The following FUT8 variants were observed in gnomAD, a reference collection of about 807,000 sequenced individuals.
FUT8 encodes the protein alpha-(1,6)-fucosyltransferase.
In FUT8, 29 loss-of-function variants were observed where a neutral mutation model predicts 71.3. The ratio of observed to expected loss-of-function variants is 0.41; its 90% confidence interval spans 0.30 to 0.55. FUT8 has a LOEUF of 0.55. FUT8 is among the 20% of genes least tolerant of loss of function. FUT8 has a pLI of 0.34. For synonymous variants in FUT8, 254 were observed against 239.3 expected, an observed-to-expected ratio of 1.06 and a Z score of -0.57; for missense variants, 544 against 702.1, an observed-to-expected ratio of 0.77 and a Z score of 2.55.
At chr14:65,397,109 G>C in the FUT8 span, among the ~76,000 whole-genome samples, 1 of 152,214 alleles carries the variant, frequency 6.6e-6, no homozygotes, top group Non-Finnish European at 1.5e-5. This position sits in a 1 kb window ranked among gnomAD's most constrained non-coding sequence, Gnocchi z 4.2. Flanking sequence ...CTTATAGTGG[G>C]ATGATTGGAA....
At chr14:65,528,354 C>T (rs561176356) in intron 2 of FUT8, among the ~76,000 whole-genome samples, 141 of 152,334 alleles carry the variant, frequency 9.3e-4, no homozygotes, top group African/African-American at 3.2e-3. Flanking sequence ...GAGCCAGGCG[C>T]GGGATATAAT....
intron 2 of FUT8, among the ~76,000 whole-genome samples, chr14:65,546,103 G>A (rs1001560597): frequency 2.0e-5 from 3 of 151,560 alleles, no homozygotes; most frequent in African/African-American, 7.3e-5. Flanking sequence ...CAACCTTATT[G>A]GAACATAATT....
rs186512678 is a variant in FUT8 at position 65,589,691 on chromosome 14, G to T, written c.204-26287G>T. 3.3e-5 allele frequency among the ~76,000 whole-genome samples: 5 copies of T among 152,120 alleles called. No individual in the cohort carries two copies. The East Asian group carries it at 7.7e-4, about 24-fold the overall frequency. On this transcript the variant is annotated intron_variant, in intron 3 of 10. Transcript: ENST00000673929. ...GATCTCCTGACCTCGTGATCTGCCC[G>T]CCTCGGCCTCCCAAAGTGCTGGGAT...
chr14:65,524,280 G>T (rs1883291641), intron 2 of FUT8, among the ~76,000 whole-genome samples: 1 of 152,098 alleles, frequency 6.6e-6, no homozygotes, highest in South Asian at 2.1e-4. Context: ...TCTTGAAGAG[G>T]TCTTTCACAT....
chr14:65,642,192 G>C (rs918417333), intron 6 of FUT8, among the ~76,000 whole-genome samples: 5 of 152,116 alleles, frequency 3.3e-5, no homozygotes, highest in Non-Finnish European at 7.4e-5. Context: ...CCATTTTGAG[G>C]AATCACGTAA....
chr14:65,359,683 T>A, the FUT8 span, among the ~76,000 whole-genome samples: 1 of 152,258 alleles, frequency 6.6e-6, no homozygotes, highest in African/African-American at 2.4e-5. Context: ...TAAGGCTGAA[T>A]AATAATCCAT....
chr14:65,562,083 A>C (rs1349862506), intron 3 of FUT8, among the ~76,000 whole-genome samples: 1 of 151,988 alleles, frequency 6.6e-6, no homozygotes, highest in Non-Finnish European at 1.5e-5. Flanking sequence ...TGTACTTTAT[A>C]TGTGCCCCAA....
chr14:65,593,725 C>T (rs762364347), intron 3 of FUT8, among the ~76,000 whole-genome samples: 40 of 152,172 alleles, frequency 2.6e-4, no homozygotes, highest in Non-Finnish European at 4.3e-4. Context: ...TACAGGCATG[C>T]GCCTCCACAC....
intron 1 of FUT8, among the ~76,000 whole-genome samples, chr14:65,439,024 A>G (rs2065602568): frequency 6.6e-6 from 1 of 152,164 alleles, no homozygotes; most frequent in Non-Finnish European, 1.5e-5. Flanking sequence ...CTGCCCTCCA[A>G]TTTTAGTTGA....
chr14:65,552,887 C>T (rs573560856), intron 2 of FUT8, among the ~76,000 whole-genome samples: 5 of 152,158 alleles, frequency 3.3e-5, no homozygotes, highest in Admixed American at 6.5e-5. Context: ...CTACACCATT[C>T]GTAATGGTAA....
chr14:65,465,475 A>C (rs1471829365), intron 2 of FUT8, among the ~76,000 whole-genome samples: 25 of 152,064 alleles, frequency 1.6e-4, no homozygotes, highest in Admixed American at 1.6e-3. Flanking sequence ...CCCGGCCATA[A>C]ATTTTGGTGT....
intron 1 of FUT8, among the ~76,000 whole-genome samples, chr14:65,418,777 A>G (rs1490473601): frequency 6.6e-6 from 1 of 152,196 alleles, no homozygotes; most frequent in Non-Finnish European, 1.5e-5. Flanking sequence ...CCATCTTTAC[A>G]GTATACTTTT....
chr14:65,392,606 C>T, the FUT8 span, among the ~76,000 whole-genome samples: 1 of 152,116 alleles, frequency 6.6e-6, no homozygotes, highest in African/African-American at 2.4e-5. Flanking sequence ...AATAAGATTC[C>T]TGACTTCATG....
At chr14:65,527,903 T>G (rs1036174800) in intron 2 of FUT8, among the ~76,000 whole-genome samples, 3 of 152,218 alleles carry the variant, frequency 2.0e-5, no homozygotes, top group Non-Finnish European at 4.4e-5. Context: ...TGATTGTTCC[T>G]CTGGAAGCTT....
chr14:65,570,692 T>C (rs1886421130), intron 3 of FUT8, among the ~76,000 whole-genome samples: 1 of 152,030 alleles, frequency 6.6e-6, no homozygotes, highest in African/African-American at 2.4e-5. Context: ...TTGTATACCT[T>C]AATTGTGTGG....
intron 2 of FUT8, among the ~76,000 whole-genome samples, chr14:65,546,268 T>C (rs757510130): frequency 1.1e-4 from 16 of 151,826 alleles, no homozygotes; most frequent in Non-Finnish European, 1.9e-4. Flanking sequence ...TTCTTTGTTG[T>C]AGAACTTCAT....
chr14:65,597,241 A>G (rs77857976), intron 3 of FUT8, among the ~76,000 whole-genome samples: 2,880 of 152,256 alleles, frequency 0.019, 48 homozygotes, highest in East Asian at 0.075. Flanking sequence ...TTAAATCTCT[A>G]TATTATTTTT....
chr14:65,711,929 A>G (rs1305202561), intron 7 of FUT8, among the ~76,000 whole-genome samples: 2 of 152,170 alleles, frequency 1.3e-5, no homozygotes, highest in Non-Finnish European at 2.9e-5. Flanking sequence ...CATTTATTTT[A>G]AAACATTTTG....
chr14:65,664,707 A>G (rs2140358917), intron 6 of FUT8, among the ~76,000 whole-genome samples: 1 of 152,204 alleles, frequency 6.6e-6, no homozygotes, highest in Middle Eastern at 3.4e-3. Context: ...GCTTGACAGG[A>G]CAGATAATAT....
Sources: gnomAD v4.1 joint callset for allele counts (sites outside exome capture counted in the v4.1 genomes callset) on GRCh38, gnomAD v4.1.1 for gene constraint, Gnocchi (gnomAD v3.1) non-coding constraint, MANE v1.5 for transcripts, NCBI Gene and HGNC (gene_info 2026-07-23, HGNC 2026-07-21) for gene names.